CACNA2D3: variants seen among roughly 807,000 people sequenced by gnomAD.
CACNA2D3 encodes voltage-dependent calcium channel subunit alpha-2/delta-3.
CACNA2D3 carries 60 observed loss-of-function variants against 160.6 expected under a neutral mutation model. The observed-to-expected ratio is 0.37, with a 90% CI of 0.30 to 0.46. The LOEUF (loss-of-function observed/expected upper bound fraction) is 0.46. Among genes scored for constraint, CACNA2D3 ranks in the 20% least tolerant of loss-of-function variants. The pLI is 1.00. For missense variants in CACNA2D3, 1,205 were observed against 1,365.0 expected (o/e 0.88, Z 1.85); for synonymous variants, 558 against 492.9 (o/e 1.13, Z -1.75).
chr3:54,373,617 T>A (rs1188259621), intron 3 of CACNA2D3, among the ~76,000 whole-genome samples: 1 of 152,180 alleles, frequency 6.6e-6, no homozygotes, highest in African/African-American at 2.4e-5. Flanking sequence ...AAACAACTTC[T>A]CCTTCCAGTG....
At position 54,747,718 on chromosome 3, in the gene CACNA2D3, G is replaced by A. The variant is rs146701468; in HGVS notation, c.1168-4881G>A. ...TCAATATCCCTGGAGCTTCCCTGTC[G>A]CAGGGACCTTGTACCTTTGGTTCCC... On this transcript the variant is annotated intron_variant, in intron 11 of 37. Coordinates refer to ENST00000474759, the MANE Select transcript of CACNA2D3 (RefSeq NM_018398.3). 5.9e-4 allele frequency among the ~76,000 whole-genome samples: 89 copies of A among 152,112 alleles called. No individual in the cohort carries two copies. In the Middle Eastern group the frequency reaches 0.01, roughly 17 times the overall value.
intron 3 of CACNA2D3, among the ~76,000 whole-genome samples, chr3:54,366,894 A>G (rs188334483): frequency 2.0e-5 from 3 of 152,374 alleles, no homozygotes; most frequent in Admixed American, 1.3e-4. Context: ...AGAAATGGCT[A>G]CAATGCTCAT....
intron 27 of CACNA2D3, among the ~76,000 whole-genome samples, chr3:54,919,680 C>A (rs1372998916): frequency 6.6e-6 from 1 of 152,232 alleles, no homozygotes; most frequent in Non-Finnish European, 1.5e-5. Context: ...AGTGTGACCA[C>A]TGATTTACTC....
In CACNA2D3 at chr3:54,520,749, C is replaced by T. The variant is rs148176121; in HGVS notation, c.544+17095C>T. On this transcript the variant is annotated intron_variant, in intron 5 of 37. Coordinates refer to ENST00000474759, the MANE Select transcript of CACNA2D3 (RefSeq NM_018398.3). ...TCACCGCACAAAGAAACCCTGTACT[C>T]TTTGGCTATCGTTCCCTTGTCCCAA... Among the ~76,000 whole-genome samples, 39 of 152,304 alleles carry T rather than the reference C, an allele frequency of 2.6e-4. No homozygotes were observed. In the East Asian group the frequency reaches 7.3e-3, roughly 29 times the overall value.
At chr3:54,328,723 G>A (rs1348089830) in intron 3 of CACNA2D3, among the ~76,000 whole-genome samples, 1 of 152,198 alleles carries the variant, frequency 6.6e-6, no homozygotes, top group Admixed American at 6.5e-5. Flanking sequence ...TGGCCCAGGT[G>A]CTGATCCCCA....
intron 4 of CACNA2D3, among the ~76,000 whole-genome samples, chr3:54,439,018 C>T (rs1429706891): frequency 6.6e-6 from 1 of 152,164 alleles, no homozygotes; most frequent in Non-Finnish European, 1.5e-5. Context: ...GTGGATTGAT[C>T]ACCTTGGCTG....
chr3:54,647,705 C>T (rs1326859223), intron 11 of CACNA2D3, among the ~76,000 whole-genome samples: 1 of 152,314 alleles, frequency 6.6e-6, no homozygotes, highest in African/African-American at 2.4e-5. Context: ...CAGGGCCTTG[C>T]TCCAAGCAAC....
At chr3:54,252,817 G>A (rs1451210325) in intron 2 of CACNA2D3, among the ~76,000 whole-genome samples, 1 of 152,174 alleles carries the variant, frequency 6.6e-6, no homozygotes, top group Non-Finnish European at 1.5e-5. Flanking sequence ...ACCATGAGAG[G>A]GGTGTTGAGG....
chr3:54,531,953 C>A (rs1447845952), intron 5 of CACNA2D3, among the ~76,000 whole-genome samples: 7 of 152,212 alleles, frequency 4.6e-5, no homozygotes, highest in Admixed American at 4.6e-4. Flanking sequence ...TCATTTCACC[C>A]TTGGCTTGGC....
intron 17 of CACNA2D3, among the ~76,000 whole-genome samples, chr3:54,863,472 C>T (rs1426709076): frequency 6.6e-6 from 1 of 152,172 alleles, no homozygotes; most frequent in Non-Finnish European, 1.5e-5. Context: ...TTCCTCCCAG[C>T]TCAACTACTC....
chr3:54,336,796 G>A (rs1260186964), intron 3 of CACNA2D3, among the ~76,000 whole-genome samples: 7 of 152,132 alleles, frequency 4.6e-5, no homozygotes, highest in Non-Finnish European at 8.8e-5. Flanking sequence ...GATCTTGAGC[G>A]AAACAATGCA....
intron 2 of CACNA2D3, among the ~76,000 whole-genome samples, chr3:54,204,665 A>G (rs1247447897): frequency 6.6e-6 from 1 of 152,000 alleles, no homozygotes; most frequent in Non-Finnish European, 1.5e-5. Flanking sequence ...ATGTGGTGGC[A>G]CATGCCTGTA....
In CACNA2D3 at chr3:54,137,723, T is replaced by TCTC. The variant is rs577836501; in HGVS notation, c.204+14131_204+14132insCCT. ...TATTTTGTACTTTATTCTATTATAG[T>TCTC]CTATTCAACGCAAGTTGACTAGACG... On this transcript the variant is annotated intron_variant, in intron 2 of 37. Coordinates refer to ENST00000474759, the MANE Select transcript of CACNA2D3 (RefSeq NM_018398.3). Among the ~76,000 whole-genome samples, 22 of 152,358 alleles carry TCTC rather than the reference T, an allele frequency of 1.4e-4. No homozygotes were observed. In the East Asian group the frequency reaches 3.5e-3, roughly 24 times the overall value.
At chr3:54,752,770 T>C in intron 12 of CACNA2D3, 93 bp downstream of exon 12, 1 of 893,728 alleles carries the variant, frequency 1.1e-6, no homozygotes, top group Non-Finnish European at 1.8e-6. Flanking sequence ...TTCTAATAAT[T>C]CTAAGATAAA....
At chr3:54,644,386 A>G (rs770876271) in intron 11 of CACNA2D3, among the ~76,000 whole-genome samples, 4 of 152,118 alleles carry the variant, frequency 2.6e-5, no homozygotes, top group African/African-American at 4.8e-5. Context: ...CCTCTGCCCT[A>G]TTCTGGAGAG....
chr3:54,439,238 T>C (rs1235508534), intron 4 of CACNA2D3, among the ~76,000 whole-genome samples: 3 of 152,148 alleles, frequency 2.0e-5, no homozygotes, highest in Non-Finnish European at 4.4e-5. Context: ...TTTTGAAATA[T>C]TTTGTCTCCT....
At chr3:54,736,796 C>T (rs1474198099) in intron 11 of CACNA2D3, among the ~76,000 whole-genome samples, 2 of 152,094 alleles carry the variant, frequency 1.3e-5, no homozygotes, top group Non-Finnish European at 2.9e-5. Context: ...GCTTTGGGGT[C>T]CCACATGCCT....
At chr3:54,484,732 T>C (rs2106907363) in intron 4 of CACNA2D3, among the ~76,000 whole-genome samples, 1 of 152,344 alleles carries the variant, frequency 6.6e-6, no homozygotes, top group South Asian at 2.1e-4. Flanking sequence ...ATGTGGAAAC[T>C]AGGAAGTGAT....
At chr3:55,006,070 A>T (rs1703086235) in intron 32 of CACNA2D3, among the ~76,000 whole-genome samples, 1 of 152,214 alleles carries the variant, frequency 6.6e-6, no homozygotes, top group African/African-American at 2.4e-5. Flanking sequence ...TGAAAAATAC[A>T]GCTTTTTAGT....
Sources: allele counts gnomAD v4.1 joint callset (sites outside exome capture counted in the v4.1 genomes callset), GRCh38; gene constraint gnomAD v4.1.1; transcripts MANE v1.5; gene names NCBI Gene and HGNC (gene_info 2026-07-23, HGNC 2026-07-21).